Variants in PTPRT observed in about 807,000 individuals in gnomAD.
The protein encoded by PTPRT is protein tyrosine phosphatase receptor type T.
Under a neutral mutation model 176.8 loss-of-function variants are expected in PTPRT, and 56 were observed. That is an observed-to-expected ratio of 0.32 (90% CI 0.26 to 0.40). The LOEUF (loss-of-function observed/expected upper bound fraction) is 0.40. Among genes scored for constraint, PTPRT ranks in the 10% least tolerant of loss-of-function variants. The pLI, the probability that PTPRT is intolerant of heterozygous loss-of-function variation, is 1.00. For missense variants in PTPRT, 1,540 were observed against 1,908.2 expected (o/e 0.81, Z 3.60); for synonymous variants, 783 against 739.0 (o/e 1.06, Z -0.96).
chr20:42,666,074 G>A (rs577385338), intron 7 of PTPRT, among the ~76,000 whole-genome samples: 25 of 151,870 alleles, frequency 1.6e-4, no homozygotes, highest in Non-Finnish European at 2.8e-4. Context: ...CACATGTACC[G>A]TAAAACTTAA....
intron 7 of PTPRT, among the ~76,000 whole-genome samples, chr20:42,668,092 A>T (rs2146028570): frequency 6.6e-6 from 1 of 152,326 alleles, no homozygotes; most frequent in East Asian, 1.9e-4. Context: ...GGTGGAGAGA[A>T]GGTAAAGATT....
chr20:42,575,026 T>G (rs1452332204), intron 7 of PTPRT, among the ~76,000 whole-genome samples: 2 of 152,176 alleles, frequency 1.3e-5, no homozygotes, highest in Non-Finnish European at 2.9e-5. Context: ...CCTCTTTTCT[T>G]TATAAATTAC....
At chr20:42,996,624 A>T (rs1984237983) in intron 1 of PTPRT, among the ~76,000 whole-genome samples, 1 of 152,144 alleles carries the variant, frequency 6.6e-6, no homozygotes, top group African/African-American at 2.4e-5. Flanking sequence ...GTGGTGACGG[A>T]GATTATTAGA....
At chr20:43,169,792 C>T (rs1426190962) in intron 1 of PTPRT, among the ~76,000 whole-genome samples, 3 of 152,174 alleles carry the variant, frequency 2.0e-5, no homozygotes, top group Non-Finnish European at 4.4e-5. Flanking sequence ...CTTCTCCCTC[C>T]TTCTAAACCT....
At chr20:42,652,187 C>CAA (rs200542249) in intron 7 of PTPRT, among the ~76,000 whole-genome samples, 2 of 151,260 alleles carry the variant, frequency 1.3e-5, no homozygotes, top group African/African-American at 2.4e-5. Flanking sequence ...ATTCAAATGA[C>CAA]AAAAAAAATG....
At chr20:42,880,114 G>T (rs528822126) in intron 2 of PTPRT, among the ~76,000 whole-genome samples, 273 of 152,114 alleles carry the variant, frequency 1.8e-3, no homozygotes, top group Admixed American at 6.3e-3. Flanking sequence ...GGGCAGGCCC[G>T]GGGGGGTTTG....
chr20:42,211,267 A>G (rs2055619474), intron 15 of PTPRT, among the ~76,000 whole-genome samples: 1 of 151,808 alleles, frequency 6.6e-6, no homozygotes. Context: ...CACCAAAAGC[A>G]ATGGCAACAA....
At chr20:42,470,753 T>G (rs2071179209) in intron 8 of PTPRT, among the ~76,000 whole-genome samples, 1 of 151,960 alleles carries the variant, frequency 6.6e-6, no homozygotes, top group African/African-American at 2.4e-5. Flanking sequence ...CAATAGAGGT[T>G]TCCTTGCAAA....
At chr20:42,353,739 G>A (rs1241684112) in intron 9 of PTPRT, among the ~76,000 whole-genome samples, 1 of 152,150 alleles carries the variant, frequency 6.6e-6, no homozygotes, top group Non-Finnish European at 1.5e-5. Context: ...TGTCTTACCT[G>A]GTTTGTTCCA....
At chr20:42,987,061 A>T (rs887101687) in intron 1 of PTPRT, among the ~76,000 whole-genome samples, 1 of 152,090 alleles carries the variant, frequency 6.6e-6, no homozygotes, top group Non-Finnish European at 1.5e-5. Context: ...AGGCCACAGA[A>T]CTCAGGACAG....
At chr20:42,455,052 A>C (rs1442609213) in intron 8 of PTPRT, among the ~76,000 whole-genome samples, 1 of 152,236 alleles carries the variant, frequency 6.6e-6, no homozygotes, top group African/African-American at 2.4e-5. Context: ...AGCACTTCTC[A>C]AACTATTTCA....
At chr20:42,720,733 C>T (rs901507664) in intron 6 of PTPRT, among the ~76,000 whole-genome samples, 1 of 152,180 alleles carries the variant, frequency 6.6e-6, no homozygotes, top group Non-Finnish European at 1.5e-5. Flanking sequence ...TGTCCTTCTG[C>T]ACTGTCAAAT....
intron 1 of PTPRT, among the ~76,000 whole-genome samples, chr20:43,159,587 C>G (rs1169249429): frequency 6.6e-6 from 1 of 152,200 alleles, no homozygotes; most frequent in Non-Finnish European, 1.5e-5. Context: ...TCATTACGCC[C>G]TTTCCACATG....
At chr20:42,225,397 A>G (rs1221198682) in intron 15 of PTPRT, among the ~76,000 whole-genome samples, 1 of 152,134 alleles carries the variant, frequency 6.6e-6, no homozygotes, top group African/African-American at 2.4e-5. Flanking sequence ...GAACACTACC[A>G]TTCCCATTTT....
rs1276384109 is a variant in PTPRT at position 42,085,870 on chromosome 20, G to A, written c.3847-17C>T. ...CATACAGAACTGAGATAAGGAAAGA[G>A]GTCACAGAAGGAGCTCAAAGGCAGG... On this transcript the variant is annotated splice_polypyrimidine_tract_variant and intron_variant, in intron 27 of 30. Transcript: ENST00000373187. 8 of 1,602,714 alleles carry A rather than the reference G, an allele frequency of 5.0e-6. No individual in the cohort carries two copies. Among genetic ancestry groups the A allele is most frequent in the Non-Finnish European group, 6.8e-6 (8 of 1,170,742 alleles).
chr20:42,138,940 G>A (rs1189053364), intron 18 of PTPRT, among the ~76,000 whole-genome samples: 1 of 152,162 alleles, frequency 6.6e-6, no homozygotes, highest in Non-Finnish European at 1.5e-5. Context: ...GCCTCACAGT[G>A]CTCTGGGTTC....
At chr20:42,682,647 A>G (rs1177645344) in intron 6 of PTPRT, among the ~76,000 whole-genome samples, 1 of 152,204 alleles carries the variant, frequency 6.6e-6, no homozygotes. Flanking sequence ...CTGAGGGCTG[A>G]GCTGGGAGAT....
chr20:42,813,935 T>A (rs1399495587), intron 2 of PTPRT, among the ~76,000 whole-genome samples: 1 of 152,148 alleles, frequency 6.6e-6, no homozygotes, highest in African/African-American at 2.4e-5. Context: ...TTAGAGAAAG[T>A]TAACCTCCTC....
At chr20:42,095,562 A>G (rs1350540590) in intron 27 of PTPRT, among the ~76,000 whole-genome samples, 2 of 152,178 alleles carry the variant, frequency 1.3e-5, no homozygotes, top group Non-Finnish European at 2.9e-5. Context: ...GCCCACCTTG[A>G]CAATCCTATT....
Sources: gnomAD v4.1 joint callset for allele counts (sites outside exome capture counted in the v4.1 genomes callset) on GRCh38, gnomAD v4.1.1 for gene constraint, MANE v1.5 for transcripts, NCBI Gene and HGNC (gene_info 2026-07-23, HGNC 2026-07-21) for gene names.